Variants in ITPR1 observed in about 807,000 individuals in gnomAD.
ITPR1 encodes the protein inositol 1,4,5-trisphosphate receptor type 1, also known as inositol 1,4,5-trisphosphate-gated calcium channel ITPR1.
A neutral mutation model predicts 318.4 loss-of-function variants in ITPR1; 96 were observed. That is an observed-to-expected ratio of 0.30 (90% CI 0.26 to 0.36). The LOEUF (loss-of-function observed/expected upper bound fraction) is 0.36. ITPR1 is among the 10% of genes least tolerant of loss of function. ITPR1 has a pLI of 1.00. For synonymous variants in ITPR1, 1,312 were observed against 1,289.9 expected, an observed-to-expected ratio of 1.02 and a Z score of -0.37; for missense variants, 2,440 against 3,460.2, an observed-to-expected ratio of 0.71 and a Z score of 7.40.
At chr3:4,607,832 C>T (rs532513082) in intron 4 of ITPR1, among the ~76,000 whole-genome samples, 40 of 152,094 alleles carry the variant, frequency 2.6e-4, no homozygotes, top group African/African-American at 9.2e-4. Context: ...CTCAAAAGGC[C>T]AATCTTAGGA....
At chr3:4,540,506 T>G (rs2084333783) in intron 4 of ITPR1, among the ~76,000 whole-genome samples, 1 of 152,228 alleles carries the variant, frequency 6.6e-6, no homozygotes, top group African/African-American at 2.4e-5. Context: ...ATTTATGATT[T>G]TAATTTGTGG....
intron 32 of ITPR1, among the ~76,000 whole-genome samples, chr3:4,692,321 G>T (rs1424625515): frequency 1.3e-5 from 2 of 152,166 alleles, no homozygotes; most frequent in Non-Finnish European, 2.9e-5. Flanking sequence ...TGGGGTAAAT[G>T]AGATAATGGT....
At chr3:4,588,494 C>A (rs2090111722) in intron 4 of ITPR1, among the ~76,000 whole-genome samples, 1 of 152,160 alleles carries the variant, frequency 6.6e-6, no homozygotes. Context: ...GCTGTTCCTT[C>A]TGGATCTCCC....
chr3:4,602,246 G>C (rs1390839420), intron 4 of ITPR1, among the ~76,000 whole-genome samples: 1 of 152,154 alleles, frequency 6.6e-6, no homozygotes, highest in African/African-American at 2.4e-5. Flanking sequence ...CGAGCCAGGT[G>C]CACCTATTTA....
chr3:4,621,338 G>C (rs116001351), intron 4 of ITPR1, among the ~76,000 whole-genome samples: 5 of 152,138 alleles, frequency 3.3e-5, no homozygotes, highest in Admixed American at 6.5e-5. Context: ...GATCAAGGTG[G>C]GAGGTGCCAC....
intron 4 of ITPR1, among the ~76,000 whole-genome samples, chr3:4,566,826 GT>G (rs1363539006): frequency 6.6e-6 from 1 of 152,162 alleles, no homozygotes; most frequent in African/African-American, 2.4e-5. Context: ...GTCAGGACCA[GT>G]TTTCCCTCTC....
intron 61 of ITPR1, 163 bp downstream of exon 61, chr3:4,837,098 C>A: frequency 2.0e-6 from 1 of 511,088 alleles, no homozygotes; most frequent in Non-Finnish European, 3.3e-6. Context: ...AGTCTCCTCA[C>A]CCCAATCCCC....
intron 44 of ITPR1, among the ~76,000 whole-genome samples, chr3:4,756,757 G>C (rs1001415091): frequency 2.0e-5 from 3 of 152,074 alleles, no homozygotes; most frequent in Non-Finnish European, 2.9e-5. Flanking sequence ...TGTCAATTTA[G>C]AGGCCATTCA....
Position 4,675,249 on chromosome 3 carries a change from G to A in ITPR1, c.2779+1G>A. 1 of 1,606,766 alleles carries A rather than the reference G, an allele frequency of 6.2e-7. No homozygotes were observed. Among genetic ancestry groups the A allele is most frequent in the South Asian group, 1.1e-5 (1 of 89,220 alleles). On this transcript the variant is annotated splice_donor_variant, in intron 23 of 61. Coordinates refer to ENST00000649015, the MANE Select transcript of ITPR1 (RefSeq NM_001378452.1). LOFTEE classifies it high-confidence loss of function. ...AACAATGATGTGGAGAAGCTGAAGA[G>A]TGAGTATCTGAGGGTGCCCATACAT...
intron 39 of ITPR1, among the ~76,000 whole-genome samples, chr3:4,715,182 G>T (rs372643146): frequency 6.6e-6 from 1 of 152,196 alleles, no homozygotes; most frequent in Non-Finnish European, 1.5e-5. Flanking sequence ...CAGACAGTCC[G>T]ATCCTAGAGT....
At chr3:4,751,981 T>C (rs559459495) in intron 44 of ITPR1, among the ~76,000 whole-genome samples, 1 of 152,306 alleles carries the variant, frequency 6.6e-6, no homozygotes, top group South Asian at 2.1e-4. Flanking sequence ...TCCTCTGAGT[T>C]CCTCTTTGAA....
chr3:4,719,019 G>A (rs2041960758), intron 40 of ITPR1, among the ~76,000 whole-genome samples: 1 of 152,176 alleles, frequency 6.6e-6, no homozygotes. Context: ...ATCAGAGTCT[G>A]TGGTGTTATT....
chr3:4,724,365 A>G (rs1017813918), intron 40 of ITPR1: 31 of 152,248 alleles, frequency 2.0e-4, no homozygotes, highest in African/African-American at 6.8e-4. Context: ...TCAAACTATC[A>G]AAAGGGTAAT....
intron 4 of ITPR1, among the ~76,000 whole-genome samples, chr3:4,561,159 G>A (rs1275515029): frequency 2.0e-5 from 3 of 152,186 alleles, no homozygotes; most frequent in Admixed American, 1.3e-4. Flanking sequence ...GTGCTGAGTC[G>A]TTTTGAATAA....
rs943946433 is a variant in ITPR1 at position 4,699,840 on chromosome 3, C to T, written c.4435C>T (p.His1479Tyr). The change falls in exon 35 of 62, where the codon CAT (histidine) becomes TAT (tyrosine). Residue 1479 changes from histidine to tyrosine, a missense_variant. By Grantham distance (83) the His-to-Tyr change is moderately conservative. Transcript: ENST00000649015. The part of the protein sequence containing the change: ...RACNNTSDRK[H>Y]ADSILEKYVT... The stretch of plus-strand genomic sequence containing the variant: ...CTGTAACAACACTAGTGACAGGAAA[C>T]ATGCAGACTCGATTTTGGAGAAGTA... The T allele has an allele frequency of 2.5e-6, 4 of 1,613,778 alleles. No individual in the cohort carries two copies. The highest frequency in any genetic ancestry group is 3.4e-6 in the Non-Finnish European group (4 of 1,179,818).
intron 4 of ITPR1, among the ~76,000 whole-genome samples, chr3:4,583,978 C>G (rs147441995): frequency 5.0e-4 from 76 of 152,290 alleles, no homozygotes; most frequent in Admixed American, 2.4e-3. Context: ...GCATGGCTTT[C>G]TCGCTTTTCC....
intron 12 of ITPR1, among the ~76,000 whole-genome samples, chr3:4,657,055 T>G (rs530598445): frequency 6.6e-6 from 1 of 152,292 alleles, no homozygotes; most frequent in South Asian, 2.1e-4. Context: ...CTATCAGAGA[T>G]TTTCTTCGCT....
At chr3:4,545,810 G>A (rs2084935412) in intron 4 of ITPR1, among the ~76,000 whole-genome samples, 2 of 147,990 alleles carry the variant, frequency 1.4e-5, no homozygotes, top group Middle Eastern at 3.6e-3. Context: ...TGATTCTCCC[G>A]CCTCAGCCTC....
At chr3:4,614,312 C>G (rs1203876848) in intron 4 of ITPR1, among the ~76,000 whole-genome samples, 2 of 152,182 alleles carry the variant, frequency 1.3e-5, no homozygotes, top group Non-Finnish European at 2.9e-5. Context: ...CATGTTGTAA[C>G]AGTAGCTTGT....
Sources: allele counts gnomAD v4.1 joint callset (sites outside exome capture counted in the v4.1 genomes callset), GRCh38; gene constraint gnomAD v4.1.1; transcripts MANE v1.5; gene names NCBI Gene and HGNC (gene_info 2026-07-23, HGNC 2026-07-21).